NR5A1: variants seen among roughly 807,000 people sequenced by gnomAD.
NR5A1 encodes nuclear receptor subfamily 5 group A member 1, also known as steroidogenic factor 1.
In NR5A1, 6 loss-of-function variants were observed where a neutral mutation model predicts 42.7. That is an observed-to-expected ratio of 0.14 (90% CI 0.08 to 0.28). The LOEUF (loss-of-function observed/expected upper bound fraction) is 0.28, where lower values mean the gene tolerates loss of function less well. NR5A1 is among the 10% of genes least tolerant of loss of function. The pLI, the probability that NR5A1 is intolerant of heterozygous loss-of-function variation, is 1.00. For missense variants in NR5A1, 442 were observed against 626.4 expected, an observed-to-expected ratio of 0.71 and a Z score of 3.14; for synonymous variants, 274 against 277.5, an observed-to-expected ratio of 0.99 and a Z score of 0.12.
In NR5A1 at chr9:124,495,095, G is replaced by A. The variant is rs562336086; in HGVS notation, c.871-1946C>T. Among the ~76,000 whole-genome samples, 8 of 152,274 alleles carry A rather than the reference G, an allele frequency of 5.3e-5. 1 individual carries two copies. The South Asian group carries it at 1.7e-3, about 32-fold the overall frequency. On this transcript the variant is annotated intron_variant, in intron 4 of 6. Transcript: ENST00000373588. ...CGTGGTGGAAAAGAGGGAGGTCTGT[G>A]TCCATTCCCTCCATCCACACCTCAC...
In NR5A1 at chr9:124,503,913, C is replaced by T. The variant is rs542594694; in HGVS notation, c.-15-503G>A. ...AGAGACAACGACCGACGCCACCGGGCGCAGACACGAGGCCAGTCCGAGAGT... is the reference window on the plus strand; with the variant it reads ...AGAGACAACGACCGACGCCACCGGGTGCAGACACGAGGCCAGTCCGAGAGT... On this transcript the variant is annotated intron_variant, in intron 1 of 6. Coordinates refer to ENST00000373588, the MANE Select transcript of NR5A1 (RefSeq NM_004959.5). The surrounding 1 kb of genome is among the most constrained non-coding windows in gnomAD (Gnocchi z 9.6). Among the ~76,000 whole-genome samples, 4 of 152,068 alleles carry T rather than the reference C, an allele frequency of 2.6e-5. No individual in the cohort carries two copies. The highest frequency in any genetic ancestry group is 1.3e-4 in the Admixed American group (2 of 15,276).
At chr9:124,502,407 G>T (rs963777996) in intron 3 of NR5A1, among the ~76,000 whole-genome samples, 3 of 151,996 alleles carry the variant, frequency 2.0e-5, no homozygotes, top group African/African-American at 7.3e-5. Context: ...ATAGCTCACT[G>T]CAGCCTCGAC....
In NR5A1 at chr9:124,481,718, C is replaced by A. The variant is rs1832130214; in HGVS notation, c.*1040G>T. On this transcript the variant is annotated 3_prime_UTR_variant, in exon 7 of 7. Transcript: ENST00000373588. ...TCCCACCCACAGAGACCTGAAGCCC[C>A]CAACAGGGCATCCTGCTGTTCACCT... The A allele has an allele frequency of 6.6e-6, 1 of 152,216 alleles. No homozygotes were observed. The highest frequency in any genetic ancestry group is 2.4e-5 in the African/African-American group (1 of 41,438). 9.4% of individuals were successfully genotyped at this position (152,216 alleles called of 1,614,324 possible). A position where few individuals can be genotyped will look rare whatever the true frequency, so the allele number is the denominator to read the frequency against.
At position 124,503,434 on chromosome 9, in the gene NR5A1, G is replaced by A. The variant is rs1034536893; in HGVS notation, c.-15-24C>T. On this transcript the variant is annotated intron_variant, in intron 1 of 6. Coordinates refer to ENST00000373588, the MANE Select transcript of NR5A1 (RefSeq NM_004959.5). The surrounding 1 kb of genome is among the most constrained non-coding windows in gnomAD (Gnocchi z 9.6). Reference sequence around the variant, plus strand: ...GCCTGCGGAGGGACAGCGGGTCAGGGAGGGCCGGCGGAGACCGGCAGCCTG... The same window carrying A: ...GCCTGCGGAGGGACAGCGGGTCAGGAAGGGCCGGCGGAGACCGGCAGCCTG... The A allele has an allele frequency of 3.8e-6, 6 of 1,568,800 alleles. No individual in the cohort carries two copies. The African/African-American group carries it at 6.8e-5, about 18-fold the overall frequency.
chr9:124,491,015 T>A, intron 6 of NR5A1, 66 bp downstream of exon 6: 1 of 634,816 alleles, frequency 1.6e-6, no homozygotes. Context: ...CTCTCCAGCC[T>A]CACCCACCCT....
At chr9:124,505,480 A>G (rs1368819930) in intron 1 of NR5A1, among the ~76,000 whole-genome samples, 1 of 152,098 alleles carries the variant, frequency 6.6e-6, no homozygotes, top group East Asian at 1.9e-4. Context: ...GCATCTGTGA[A>G]GTGGGTAGAT....
chr9:124,482,598 A>C lies in NR5A1; in HGVS notation c.*160T>G. On this transcript the variant is annotated 3_prime_UTR_variant, in exon 7 of 7. Coordinates refer to ENST00000373588, the MANE Select transcript of NR5A1 (RefSeq NM_004959.5). ...CAGCCTCACCCACCTTCCCAAACAC[A>C]CAGTGTCAGAACTCAGGGGCAGCGG... The C allele has an allele frequency of 1.2e-6, 1 of 842,314 alleles. No homozygotes were observed. The highest frequency in any genetic ancestry group is 1.9e-6 in the Non-Finnish European group (1 of 539,796). The allele number at this position is 842,314 out of a possible 1,614,324, so 52.2% of individuals were successfully genotyped here.
In NR5A1 at chr9:124,482,875, C is replaced by T. The variant is rs1832150456; in HGVS notation, c.1269G>A (p.Leu423=). ...GDKFQQLLLC[L]VEVRALSMQA... is the part of the protein sequence containing the mutation. ...GCATGCTCAGGGCCCGCACCTCCAC[C>T]AGGCACAGCAGCAGCTGCTGGAATT... is the stretch of plus-strand genomic sequence containing the variant. Residue 423 remains leucine (L), a synonymous_variant, in exon 7 of 7, where the codon CTG becomes CTA. Transcript: ENST00000373588. The T allele has an allele frequency of 1.2e-6, 2 of 1,614,064 alleles. No homozygotes were observed. The highest frequency in any genetic ancestry group is 2.2e-5 in the South Asian group (2 of 91,086).
intron 4 of NR5A1, among the ~76,000 whole-genome samples, chr9:124,493,694 G>A (rs1832349300): frequency 6.6e-6 from 1 of 152,256 alleles, no homozygotes; most frequent in Admixed American, 6.5e-5. Flanking sequence ...TCAGGCTCAG[G>A]AGGAGGAGGG....
intron 4 of NR5A1, among the ~76,000 whole-genome samples, chr9:124,497,388 G>A (rs989454639): frequency 2.6e-5 from 4 of 152,138 alleles, no homozygotes; most frequent in East Asian, 1.9e-4. Context: ...TGCTACTATC[G>A]AATCTACCAT....
In NR5A1 at chr9:124,501,020, T is replaced by C; in HGVS notation, c.245-305A>G. 1.5e-6 allele frequency: 1 copy of C among 668,220 alleles called. No individual in the cohort carries two copies. Among genetic ancestry groups the C allele is most frequent in the Non-Finnish European group, 2.8e-6 (1 of 353,258 alleles). The allele number at this position is 668,220 out of a possible 1,614,324, so 41.4% of individuals were successfully genotyped here. The stretch of plus-strand genomic sequence containing the variant: ...TCATTTTCCTTCTGACTCAAACTTT[T>C]TTTTTTCTCTTGTGCTTGCTGAACA... On this transcript the variant is annotated intron_variant, in intron 3 of 6. Transcript: ENST00000373588. This position sits in a 1 kb window ranked among gnomAD's most constrained non-coding sequence, Gnocchi z 4.1.
At position 124,491,168 on chromosome 9, in the gene NR5A1, C is replaced by T. The variant is rs1832301216; in HGVS notation, c.1051G>A (p.Ala351Thr). 6.2e-7 allele frequency: 1 copy of T among 1,609,322 alleles called. No homozygotes were observed. Among genetic ancestry groups the T allele is most frequent in the Admixed American group, 1.7e-5 (1 of 59,624 alleles). Residue 351 changes from alanine to threonine, a missense_variant, in exon 6 of 7, where the codon GCG becomes ACG. Physicochemically the swap from Ala to Thr is moderately conservative, Grantham distance 58. Around this residue, in one of 3 missense-constraint regions of NR5A1, gnomAD observed 163 missense variants for 265.8 expected, o/e 0.61. Coordinates refer to ENST00000373588, the MANE Select transcript of NR5A1 (RefSeq NM_004959.5). Reference protein sequence around the residue: ...GSLLHSLVLRAQELVLQLLAL... With the variant: ...GSLLHSLVLRTQELVLQLLAL... ...AGCAGCTGCAGCACCAGCTCCTGCG[C>T]CCGCAACACCAGGCTGTGCAGCAGC...
rs753808161 is a variant in NR5A1, at chr9:124,503,180, G to A, written c.143C>T (p.Thr48Met). Residue 48 changes from threonine (T) to methionine (M), a missense_variant, in exon 3 of 7, where the codon ACG (threonine) becomes ATG (methionine). Physicochemically the swap from Thr to Met is moderately conservative, Grantham distance 81. Around this residue, in one of 3 missense-constraint regions of NR5A1, gnomAD observed 71 missense variants for 156.8 expected, o/e 0.45. Coordinates refer to ENST00000373588, the MANE Select transcript of NR5A1 (RefSeq NM_004959.5). The surrounding 1 kb of genome is among the most constrained non-coding windows in gnomAD (Gnocchi z 9.6). The stretch of plus-strand genomic sequence containing the variant: ...CTTGCAGCTCTGGCTCTCGGTGCAC[G>A]TGTAGTGCTTGTTGTTCTGCACCGT... The part of the protein sequence containing the change: ...KRTVQNNKHY[T>M]CTESQSCKID... 1 of 1,602,928 alleles carries A rather than the reference G, an allele frequency of 6.2e-7. No individual in the cohort carries two copies. The highest frequency in any genetic ancestry group is 1.1e-5 in the South Asian group (1 of 89,206).
At chr9:124,487,888 G>A (rs1041567735) in intron 6 of NR5A1, among the ~76,000 whole-genome samples, 3 of 152,208 alleles carry the variant, frequency 2.0e-5, no homozygotes, top group Non-Finnish European at 4.4e-5. Context: ...TGGGCTGCCT[G>A]CCTGCCATCC....
In NR5A1 at chr9:124,482,833, C is replaced by T. The variant is rs1353199475; in HGVS notation, c.1311G>A (p.Leu437=). ...TCTCGTTGCCCAGGTGCTTGTGGTA[C>T]AGGTACTCCTTGGCCTGCATGCTCA... The part of the protein sequence containing the change: ...RALSMQAKEY[L]YHKHLGNEMP... The change falls in exon 7 of 7, where the codon CTG becomes CTA. Residue 437 remains leucine (L), a synonymous_variant. Transcript: ENST00000373588. 1 of 1,613,552 alleles carries T rather than the reference C, an allele frequency of 6.2e-7. No homozygotes were observed. Among genetic ancestry groups the T allele is most frequent in the Non-Finnish European group, 8.5e-7 (1 of 1,179,884 alleles).
chr9:124,484,669 A>C (rs1490793412), intron 6 of NR5A1, among the ~76,000 whole-genome samples: 1 of 152,146 alleles, frequency 6.6e-6, no homozygotes, highest in Admixed American at 6.5e-5. Flanking sequence ...CTGGTGAATC[A>C]GGTGAACCCG....
intron 6 of NR5A1, 39 bp from the exon 7 acceptor site, chr9:124,483,044 C>A (rs1832153219): frequency 6.2e-7 from 1 of 1,611,566 alleles, no homozygotes; most frequent in South Asian, 1.1e-5. Flanking sequence ...GCGTCACCAT[C>A]CATGCCCATC....
Position 124,483,024 on chromosome 9 carries a change from G to C in NR5A1, c.1139-19C>G, listed in dbSNP as rs779153386. 1.2e-6 allele frequency: 2 copies of C among 1,613,328 alleles called. No individual in the cohort carries two copies. The highest frequency in any genetic ancestry group is 2.7e-5 in the African/African-American group (2 of 75,016). On this transcript the variant is annotated intron_variant, in intron 6 of 6. Transcript: ENST00000373588. ...TTCAAATCTGCAAAGGGAGGTTCTC[G>C]GTCACCATCGCGTCACCATCCATGC...
chr9:124,503,063 C>G lies in NR5A1; in HGVS notation c.244+16G>C. 6.4e-7 allele frequency: 1 copy of G among 1,559,140 alleles called. No homozygotes were observed. Among genetic ancestry groups the G allele is most frequent in the Non-Finnish European group, 8.6e-7 (1 of 1,156,244 alleles). On this transcript the variant is annotated intron_variant, in intron 3 of 6. Coordinates refer to ENST00000373588, the MANE Select transcript of NR5A1 (RefSeq NM_004959.5). This position sits in a 1 kb window ranked among gnomAD's most constrained non-coding sequence, Gnocchi z 9.6. ...GGCTGTGGGGGGTCAGGGGTCGAGGCCCGCGCGGCGCGCACCTTCCAGGCG... is the reference window on the plus strand; with the variant it reads ...GGCTGTGGGGGGTCAGGGGTCGAGGGCCGCGCGGCGCGCACCTTCCAGGCG...
Sources: gnomAD v4.1 joint callset for allele counts (sites outside exome capture counted in the v4.1 genomes callset) on GRCh38, gnomAD v4.1.1 for gene constraint, gnomAD v4.1.1 regional missense constraint, Gnocchi (gnomAD v3.1) non-coding constraint, MANE v1.5 for transcripts, NCBI Gene and HGNC (gene_info 2026-07-23, HGNC 2026-07-21) for gene names.